Variants in ESR1 observed in about 807,000 individuals in gnomAD.
ESR1 encodes the protein estrogen receptor.
In ESR1, 12 loss-of-function variants were observed where a neutral mutation model predicts 52.7. That is an observed-to-expected ratio of 0.23 (90% CI 0.15 to 0.37). ESR1 has a LOEUF of 0.37. Ranked by LOEUF, ESR1 falls within the 10% of genes least tolerant of loss-of-function variation. ESR1 has a pLI of 1.00. For synonymous variants in ESR1, 305 were observed against 316.8 expected (o/e 0.96, Z 0.39); for missense variants, 584 against 779.7 (o/e 0.75, Z 2.99).
intron 6 of ESR1, among the ~76,000 whole-genome samples, chr6:152,115,525 A>G (rs2051200199): frequency 6.6e-6 from 1 of 152,214 alleles, no homozygotes; most frequent in Non-Finnish European, 1.5e-5. Context: ...TAATCTTAAA[A>G]TAAAAAAAGG....
upstream of ESR1, among the ~76,000 whole-genome samples, chr6:151,689,925 C>A (rs1389393435): frequency 2.7e-5 from 4 of 150,028 alleles, no homozygotes; most frequent in Admixed American, 6.6e-5. Context: ...GTTAAACAAA[C>A]AATCAATAAC....
chr6:151,991,005 G>A (rs1647257003), intron 4 of ESR1, among the ~76,000 whole-genome samples: 1 of 152,116 alleles, frequency 6.6e-6, no homozygotes, highest in Admixed American at 6.5e-5. Context: ...ATACCACCAG[G>A]AGAAAGTCTA....
intron 2 of ESR1, among the ~76,000 whole-genome samples, chr6:151,757,642 T>G (rs974022926): frequency 1.3e-5 from 2 of 152,216 alleles, no homozygotes; most frequent in African/African-American, 4.8e-5. Flanking sequence ...TAGCTGTTGT[T>G]TCACCCAAAC....
At position 151,737,379 on chromosome 6, in the gene ESR1, G is replaced by A. The variant is rs573804658; in HGVS notation, c.-71+35374G>A. Among the ~76,000 whole-genome samples the A allele has an allele frequency of 2.0e-5, 3 of 152,218 alleles. No homozygotes were observed. The East Asian group carries it at 5.8e-4, about 29-fold the overall frequency. ...AAACATTGTTTCAAGTCCCATTAAT[G>A]CAAGCAATGAACAAAAGTTTTTATT... On this transcript the variant is annotated intron_variant, in intron 2 of 2. Coordinates refer to the ESR1 transcript ENST00000404742.
chr6:151,745,293 G>C (rs1180253669), intron 2 of ESR1, among the ~76,000 whole-genome samples: 1 of 152,110 alleles, frequency 6.6e-6, no homozygotes, highest in Non-Finnish European at 1.5e-5. Context: ...TCTGGCCTGA[G>C]TGAGACATTT....
At chr6:151,960,576 G>A (rs1481860597) in intron 4 of ESR1, among the ~76,000 whole-genome samples, 1 of 152,230 alleles carries the variant, frequency 6.6e-6, no homozygotes, top group Non-Finnish European at 1.5e-5. Flanking sequence ...AATGTGACTA[G>A]AGCAGAGTGA....
chr6:151,706,598 T>C (rs942611409), intron 2 of ESR1, among the ~76,000 whole-genome samples: 3 of 152,114 alleles, frequency 2.0e-5, no homozygotes, highest in Non-Finnish European at 2.9e-5. Flanking sequence ...GCAAAGCTTA[T>C]TGGTTTTCCT....
chr6:151,955,095 GAGATCTACCTAAATAGATTTGTTT>G (rs1191901601), intron 4 of ESR1, among the ~76,000 whole-genome samples: 2 of 152,122 alleles, frequency 1.3e-5, no homozygotes, highest in Admixed American at 1.3e-4. Flanking sequence ...TAAAATCAAA[GAGATCTACCTAAATAGATTTGTTT>G]GCCTAACAAA....
rs542224075 is a variant in ESR1 at position 151,787,067 on chromosome 6, C to T, written c.-70-20776C>T. ...CAGTTGATCCACCCCACTTGGCCTC[C>T]CAAAGTACTGGGATTACAGGCATGA... On this transcript the variant is annotated intron_variant, in intron 2 of 2. Transcript: ENST00000404742. 2.6e-5 allele frequency among the ~76,000 whole-genome samples: 4 copies of T among 152,320 alleles called. No individual in the cohort carries two copies. The East Asian group carries it at 7.7e-4, about 29-fold the overall frequency.
intron 1 of ESR1, 98 bp downstream of exon 1, chr6:151,808,462 C>A: frequency 1.7e-5 from 19 of 1,133,120 alleles, no homozygotes; most frequent in Non-Finnish European, 2.1e-5. Context: ...GCTGCGGGAG[C>A]CGCGGGACGC....
chr6:151,998,714 A>T (rs2041705266), intron 4 of ESR1, among the ~76,000 whole-genome samples: 1 of 152,104 alleles, frequency 6.6e-6, no homozygotes, highest in Non-Finnish European at 1.5e-5. Flanking sequence ...AACTGGAGTT[A>T]ATTCTCATAT....
At chr6:151,762,036 T>C (rs1784696246) in intron 2 of ESR1, among the ~76,000 whole-genome samples, 1 of 151,822 alleles carries the variant, frequency 6.6e-6, no homozygotes, top group East Asian at 1.9e-4. Flanking sequence ...TCTGGGGAGG[T>C]TAAAAGTCCC....
chr6:151,818,005 G>C (rs985010308), intron 1 of ESR1, among the ~76,000 whole-genome samples: 1 of 152,304 alleles, frequency 6.6e-6, no homozygotes, highest in Admixed American at 6.5e-5. Context: ...CTTAAATGTG[G>C]AGGAGGACTC....
intron 1 of ESR1, among the ~76,000 whole-genome samples, chr6:151,834,561 C>T (rs921593273): frequency 8.6e-5 from 13 of 151,874 alleles, no homozygotes; most frequent in African/African-American, 2.2e-4. Context: ...GGGTTGGGGG[C>T]TAAGGGAGTG....
At chr6:151,834,633 G>A (rs1297869442) in intron 1 of ESR1, among the ~76,000 whole-genome samples, 1 of 152,024 alleles carries the variant, frequency 6.6e-6, no homozygotes, top group African/African-American at 2.4e-5. Flanking sequence ...AACCACCATG[G>A]CACGTGTATA....
At chr6:151,925,493 G>A (rs2032569217) in intron 3 of ESR1, among the ~76,000 whole-genome samples, 1 of 152,150 alleles carries the variant, frequency 6.6e-6, no homozygotes, top group African/African-American at 2.4e-5. Context: ...TGTAATCCCA[G>A]CTACTTGGGA....
At chr6:151,971,203 A>G (rs1359652032) in intron 4 of ESR1, among the ~76,000 whole-genome samples, 3 of 152,056 alleles carry the variant, frequency 2.0e-5, no homozygotes, top group African/African-American at 7.2e-5. Flanking sequence ...TTTATTTTTT[A>G]TTCCCACAGG....
At chr6:151,905,500 A>G (rs1325763822) in intron 3 of ESR1, among the ~76,000 whole-genome samples, 1 of 152,234 alleles carries the variant, frequency 6.6e-6, no homozygotes, top group Non-Finnish European at 1.5e-5. Flanking sequence ...ATAGAAAAAA[A>G]TCGATTTAAA....
intron 4 of ESR1, among the ~76,000 whole-genome samples, chr6:151,986,657 G>C (rs967437848): frequency 6.6e-6 from 1 of 152,128 alleles, no homozygotes; most frequent in African/African-American, 2.4e-5. Context: ...AAATGAAAAA[G>C]TGTCAGGTCC....
Sources: allele counts gnomAD v4.1 joint callset (sites outside exome capture counted in the v4.1 genomes callset), GRCh38; gene constraint gnomAD v4.1.1; transcripts MANE v1.5; gene names NCBI Gene and HGNC (gene_info 2026-07-23, HGNC 2026-07-21).